Variants in RPAP1 observed in about 807,000 individuals in gnomAD.
RPAP1 encodes RNA polymerase II associated protein 1.
In RPAP1, 109 loss-of-function variants were observed where a neutral mutation model predicts 142.4. The observed-to-expected ratio is 0.77, with a 90% CI of 0.66 to 0.90. RPAP1 has a LOEUF of 0.90. Among genes scored for constraint, RPAP1 ranks in the 40% least tolerant of loss-of-function variants. RPAP1 has a pLI of 0.00. For missense variants in RPAP1, 1,546 were observed against 1,751.7 expected, an observed-to-expected ratio of 0.88 and a Z score of 2.10; for synonymous variants, 704 against 738.9, an observed-to-expected ratio of 0.95 and a Z score of 0.77.
chr15:41,533,388 T>C (rs2051874382), intron 6 of RPAP1: 1 of 152,218 alleles, frequency 6.6e-6, no homozygotes, highest in South Asian at 2.1e-4. Flanking sequence ...CAAGAATCAC[T>C]TGAACCTGGG....
intron 7 of RPAP1, 65 bp from the exon 8 acceptor site, chr15:41,530,044 C>T: frequency 1.6e-6 from 2 of 1,222,524 alleles, no homozygotes; most frequent in Non-Finnish European, 2.4e-6. Flanking sequence ...GGGGTCCCCA[C>T]CATCACCCAG....
intron 1 of RPAP1, among the ~76,000 whole-genome samples, chr15:41,540,917 C>T (rs561602154): frequency 4.9e-4 from 75 of 152,242 alleles, no homozygotes; most frequent in African/African-American, 1.6e-3. Context: ...AGCTGTCCTG[C>T]GCACTGTAGG....
Position 41,535,041 on chromosome 15 carries a change from C to A in RPAP1, c.542-106G>T, listed in dbSNP as rs79212239. The stretch of plus-strand genomic sequence containing the variant: ...ATTAGCCCTGGAGACAGGTATAGAC[C>A]CAAACTTTCCTCAGAGTGGAGACCC... On this transcript the variant is annotated intron_variant, in intron 5 of 24. Transcript: ENST00000304330. 4.7e-4 allele frequency: 534 copies of A among 1,125,180 alleles called. 2 individuals are homozygous for A. The African/African-American group carries it at 7.0e-3, about 15-fold the overall frequency. 69.7% of individuals were successfully genotyped at this position (1,125,180 alleles called of 1,614,324 possible).
rs766528527 is a variant in RPAP1, at chr15:41,524,210, C to T, written c.2120G>A (p.Arg707Gln). ...VLMRALQVVP[R>Q]ELSTHPPQPL... ...TTGAGGTGGGTGGGTGCTGAGCTCC[C>T]GCGGCACCACCTGCAAGGCCCGCAT... Residue 707 changes from arginine (R) to glutamine (Q), a missense_variant, in exon 16 of 25, where the codon CGG (arginine) becomes CAG (glutamine). Around this residue, in one of 3 missense-constraint regions of RPAP1, gnomAD observed 1,333 missense variants for 1,486.6 expected, o/e 0.90. Coordinates refer to ENST00000304330, the MANE Select transcript of RPAP1 (RefSeq NM_015540.4). The T allele has an allele frequency of 2.2e-5, 34 of 1,560,366 alleles. No individual in the cohort carries two copies. In the Admixed American group the frequency reaches 2.7e-4, roughly 12 times the overall value.
intron 4 of RPAP1, 76 bp downstream of exon 4, chr15:41,536,053 T>G (rs538476350): frequency 6.5e-5 from 70 of 1,081,062 alleles, no homozygotes; most frequent in Admixed American, 1.4e-4. Context: ...TCATTAAAAC[T>G]ACCTGCCTGG....
rs757024150 is a variant in RPAP1 at position 41,522,251 on chromosome 15, C to A, written c.2743-1G>T. On this transcript the variant is annotated splice_acceptor_variant, in intron 19 of 24. Transcript: ENST00000304330. LOFTEE classifies it high-confidence loss of function. The stretch of plus-strand genomic sequence containing the variant: ...CCGGGGCAGCCAATATGGCAGCCAG[C>A]TGAGGAAAAGCAATTTTGTTCAGAT... 2.5e-6 allele frequency: 4 copies of A among 1,613,314 alleles called. No homozygotes were observed. Among genetic ancestry groups the A allele is most frequent in the Non-Finnish European group, 8.5e-7 (1 of 1,179,818 alleles).
chr15:41,519,232 A>C (rs1013985562), intron 22 of RPAP1, among the ~76,000 whole-genome samples: 9 of 151,106 alleles, frequency 6.0e-5, no homozygotes, highest in Admixed American at 4.0e-4. Flanking sequence ...TTTGAGATGG[A>C]GTTTCACTCT....
rs1412876913 is a variant in RPAP1 at position 41,517,654 on chromosome 15, T to A, written c.4070A>T (p.Asn1357Ile). The A allele has an allele frequency of 6.2e-7, 1 of 1,612,506 alleles. No homozygotes were observed. The highest frequency in any genetic ancestry group is 1.3e-5 in the African/African-American group (1 of 74,920). Residue 1357 changes from asparagine (N) to isoleucine (I), a missense_variant, in exon 25 of 25, where the codon AAT becomes ATT. Physicochemically the swap from Asn to Ile is moderately radical, Grantham distance 149. Transcript: ENST00000304330. The stretch of plus-strand genomic sequence containing the variant: ...CTCAAAGCCCTCTGGGAGCGTGGAA[T>A]TGGGAAGCTTATAGTGCAGGAGGTG... ...RQHLLHYKLPNSTLPEGFELY... is the reference protein window; with the variant it reads ...RQHLLHYKLPISTLPEGFELY...
chr15:41,525,954 CTAT>C (rs2051786625), intron 14 of RPAP1, among the ~76,000 whole-genome samples: 1 of 150,910 alleles, frequency 6.6e-6, no homozygotes. Context: ...GCGCCCGGCC[CTAT>C]TATTTGTTTT....
At chr15:41,540,170 G>T (rs759001016) in intron 1 of RPAP1, among the ~76,000 whole-genome samples, 6 of 152,196 alleles carry the variant, frequency 3.9e-5, no homozygotes, top group Non-Finnish European at 7.3e-5. Context: ...TGAGCTAGAT[G>T]CTGATAATAA....
chr15:41,543,201 C>CTTTTTTTTTTTTTTTTTTTTTTTTT (rs71104794), intron 1 of RPAP1, among the ~76,000 whole-genome samples: 3 of 78,936 alleles, frequency 3.8e-5, no homozygotes, highest in Non-Finnish European at 4.5e-5. Context: ...CAATGCTGTC[C>CTTTTTTTTTTTTTTTTTTTTTTTTT]TTTTTTTTTT....
intron 6 of RPAP1, among the ~76,000 whole-genome samples, chr15:41,534,510 G>A (rs373149949): frequency 1.4e-5 from 2 of 146,892 alleles, no homozygotes; most frequent in South Asian, 2.2e-4. Flanking sequence ...TGCTTGAGCC[G>A]TGAAGGTGGA....
Position 41,531,168 on chromosome 15 carries a change from G to C in RPAP1, c.798C>G (p.Ser266Arg). 6.2e-7 allele frequency: 1 copy of C among 1,613,188 alleles called. No individual in the cohort carries two copies. The highest frequency in any genetic ancestry group is 8.5e-7 in the Non-Finnish European group (1 of 1,179,310). ...PSLVAFLRSHSHTQEQTGETA... is the reference protein window; with the variant it reads ...PSLVAFLRSHRHTQEQTGETA... ...TCTCTCCTGTTTGCTCTTGCGTGTG[G>C]CTGTGAGATCTCAAGAAAGCAACCA... Residue 266 changes from serine to arginine, a missense_variant, in exon 7 of 25, where the codon AGC becomes AGG. Physicochemically the swap from Ser to Arg is moderately radical, Grantham distance 110. Around this residue, in one of 3 missense-constraint regions of RPAP1, gnomAD observed 1,333 missense variants for 1,486.6 expected, o/e 0.90. Transcript: ENST00000304330.
Position 41,539,954 on chromosome 15 carries a change from A to C in RPAP1, c.-76-2753T>G, listed in dbSNP as rs188174701. 5.3e-4 allele frequency among the ~76,000 whole-genome samples: 80 copies of C among 152,068 alleles called. No individual in the cohort carries two copies. In the East Asian group the frequency reaches 0.015, roughly 29 times the overall value. ...AGGCTGAGGCAGAAGAATCACTTGA[A>C]CCTGGGAGGCGGAGGCTGCAGTGAG... On this transcript the variant is annotated intron_variant, in intron 1 of 24. Transcript: ENST00000304330.
Position 41,523,353 on chromosome 15 carries a change from G to C in RPAP1, c.2438C>G (p.Pro813Arg). The change falls in exon 18 of 25, where the codon CCA (proline) becomes CGA (arginine). Residue 813 changes from proline to arginine, a missense_variant and splice_region_variant. Pro to Arg is a moderately radical substitution (Grantham distance 103). This residue lies in a region of RPAP1 where 1,333 missense variants were observed against 1,486.6 expected (regional missense o/e 0.90). Coordinates refer to ENST00000304330, the MANE Select transcript of RPAP1 (RefSeq NM_015540.4). ...GAYYQAWSQQPSSCPEDWLQD... is the reference protein window; with the variant it reads ...GAYYQAWSQQRSSCPEDWLQD... ...GAGCCAATCCTCCGGGCATGAGCTT[G>C]GCTGGTGGACCAAGGAATTCACTGA... The C allele has an allele frequency of 6.3e-7, 1 of 1,590,952 alleles. No individual in the cohort carries two copies.
At position 41,517,289 on chromosome 15, in the gene RPAP1, C is replaced by T. The variant is rs1595478257; in HGVS notation, c.*253G>A. The T allele has an allele frequency of 7.0e-6, 2 of 285,814 alleles. No homozygotes were observed. The highest frequency in any genetic ancestry group is 6.1e-6 in the Non-Finnish European group (1 of 163,426). 17.7% of individuals were successfully genotyped at this position (285,814 alleles called of 1,614,324 possible). A position where few individuals can be genotyped will look rare whatever the true frequency, so the allele number is the denominator to read the frequency against. On this transcript the variant is annotated 3_prime_UTR_variant, in exon 25 of 25. Coordinates refer to ENST00000304330, the MANE Select transcript of RPAP1 (RefSeq NM_015540.4). ...AAGGGATGCATTTAGTTTGCCCTGT[C>T]CCCAAAGAGCGGGTAAATAGCTAAG...
rs866552155 is a variant in RPAP1, at chr15:41,526,799, T to A, written c.1917+99A>T. 4.2e-6 allele frequency: 5 copies of A among 1,187,698 alleles called. No homozygotes were observed. The Middle Eastern group carries it at 6.6e-4, about 158-fold the overall frequency. The allele number at this position is 1,187,698 out of a possible 1,614,324, so 73.6% of individuals were successfully genotyped here. On this transcript the variant is annotated intron_variant, in intron 14 of 24. Transcript: ENST00000304330. ...GCAACTGGATCAGAGAGGAAGAAGA[T>A]GGCAAGAGCTGGCCACCCAGAGTTC...
chr15:41,541,599 G>A (rs1028806080), intron 1 of RPAP1, among the ~76,000 whole-genome samples: 2 of 152,182 alleles, frequency 1.3e-5, no homozygotes, highest in African/African-American at 2.4e-5. Flanking sequence ...TGTAATCCCA[G>A]CACTTTGGGA....
rs3743031 is a variant in RPAP1 at position 41,521,081 on chromosome 15, C to T, written c.3105G>A (p.Arg1035=). ...FSDQLSLGSS[R]VPRCGQGTLL... ...GAGTCCCTTGCCCACACCGAGGGACCCTGCTGCTTCCTAACGACAGCTGGT... is the reference window on the plus strand; with the variant it reads ...GAGTCCCTTGCCCACACCGAGGGACTCTGCTGCTTCCTAACGACAGCTGGT... Residue 1035 remains arginine, a synonymous_variant, in exon 22 of 25, where the codon AGG becomes AGA. Transcript: ENST00000304330. 0.41 allele frequency: 625,800 copies of T among 1,530,360 alleles called. 131,171 individuals are homozygous for T. Among genetic ancestry groups the T allele is most frequent in the Middle Eastern group, 0.47 (2,646 of 5,644 alleles). 94.8% of individuals were successfully genotyped at this position (1,530,360 alleles called of 1,614,324 possible).
Sources: gnomAD v4.1 joint callset for allele counts (sites outside exome capture counted in the v4.1 genomes callset) on GRCh38, gnomAD v4.1.1 for gene constraint, gnomAD v4.1.1 regional missense constraint, MANE v1.5 for transcripts, NCBI Gene and HGNC (gene_info 2026-07-23, HGNC 2026-07-21) for gene names.